Variants in ARSF observed in about 807,000 individuals in gnomAD.
ARSF encodes arylsulfatase F.
A neutral mutation model predicts 35.4 loss-of-function variants in ARSF; 33 were observed. The observed-to-expected ratio is 0.93, with a 90% CI of 0.71 to 1.25. ARSF has a LOEUF of 1.25. ARSF is among the 50% of genes most tolerant of loss of function. The pLI, the probability that ARSF is intolerant of heterozygous loss-of-function variation, is 0.00. For synonymous variants in ARSF, 222 were observed against 193.1 expected (o/e 1.15, Z -1.24); for missense variants, 501 against 480.2 (o/e 1.04, Z -0.40).
intron 4 of ARSF, 143 bp from the exon 5 acceptor site, chrX:3,080,748 C>T (rs2090195002): frequency 1.4e-6 from 1 of 696,930 alleles, no homozygotes; most frequent in Middle Eastern, 4.0e-4. Context: ...GCTCCACCCT[C>T]CTGACCTCAT....
chrX:3,093,169 G>GA (rs201600165), intron 7 of ARSF, among the ~76,000 whole-genome samples: 156 of 110,857 alleles, frequency 1.4e-3, no homozygotes, highest in African/African-American at 4.6e-3. Flanking sequence ...CGTCTCAAAA[G>GA]AAAAAAAAAT....
At chrX:3,051,739 A>G (rs1477086508) in intron 1 of ARSF, among the ~76,000 whole-genome samples, 1 of 111,846 alleles carries the variant, frequency 8.9e-6, no homozygotes, top group Non-Finnish European at 1.9e-5. Context: ...CACTCCTGTA[A>G]TCATAGCATT....
chrX:3,078,960 C>T (rs777845167), intron 4 of ARSF, among the ~76,000 whole-genome samples: 9 of 110,724 alleles, frequency 8.1e-5, no homozygotes, highest in Non-Finnish European at 1.3e-4. Context: ...TCGCAGCCCC[C>T]GGTCACCAAG....
Position 3,080,958 on chromosome X carries a change from T to C in ARSF, c.351T>C (p.Asn117=). 1 of 1,211,705 alleles carries C rather than the reference T, an allele frequency of 8.3e-7. No homozygotes were observed. The highest frequency in any genetic ancestry group is 2.2e-5 in the Admixed American group (1 of 46,032). ...CAGTCCCCGCAGGCCTCCCTCTTAA[T>C]GAGACAACACTTGCAGCCTTGCTAA... ...NLAVPAGLPL[N]ETTLAALLKK... Residue 117 remains asparagine, a synonymous_variant, in exon 5 of 11, where the codon AAT becomes AAC. Transcript: ENST00000381127.
In ARSF at chrX:3,050,330, G is replaced by C. The variant is rs768792076; in HGVS notation, c.-29+8667G>C. On this transcript the variant is annotated intron_variant, in intron 1 of 10. Coordinates refer to ENST00000381127, the MANE Select transcript of ARSF (RefSeq NM_001201539.2). ...AGGCCAAGGCAGGCGGATCATCTGA[G>C]GTCAGGAGTTCGAGACCAGGCTGGC... Among the ~76,000 whole-genome samples the C allele has an allele frequency of 5.9e-4, 65 of 109,796 alleles. 2 individuals carry two copies. Among genetic ancestry groups the C allele is most frequent in the African/African-American group, 2.1e-3 (63 of 30,239 alleles).
intron 3 of ARSF, 88 bp from the exon 4 acceptor site, chrX:3,076,457 CCTT>C (rs1306113868): frequency 1.7e-5 from 17 of 1,020,295 alleles, no homozygotes; most frequent in Admixed American, 2.8e-5. Flanking sequence ...TTCTGTTTGT[CCTT>C]CTCTGTCTTC....
intron 6 of ARSF, among the ~76,000 whole-genome samples, chrX:3,087,664 T>A (rs1248213694): frequency 9.4e-6 from 1 of 106,455 alleles, no homozygotes; most frequent in Non-Finnish European, 1.9e-5. Context: ...TACAATTGTA[T>A]CCAGTTTCTT....
chrX:3,048,205 A>G (rs1015700677), intron 1 of ARSF, among the ~76,000 whole-genome samples: 6 of 112,064 alleles, frequency 5.4e-5, no homozygotes, highest in Non-Finnish European at 1.1e-4. Flanking sequence ...AAAGGAAAAT[A>G]AATCTCAGGA....
At chrX:3,092,307 A>G (rs988656925) in intron 7 of ARSF, among the ~76,000 whole-genome samples, 1 of 111,772 alleles carries the variant, frequency 8.9e-6, no homozygotes, top group Non-Finnish European at 1.9e-5. Context: ...ATTGCACTCA[A>G]TCTCAAAAAT....
At chrX:3,100,991 C>G in intron 7 of ARSF, 96 bp from the exon 8 acceptor site, 1 of 825,423 alleles carries the variant, frequency 1.2e-6, no homozygotes, top group Non-Finnish European at 1.7e-6. Context: ...GTCACACCAT[C>G]CTTGTTTTCC....
intron 7 of ARSF, among the ~76,000 whole-genome samples, chrX:3,092,238 C>T (rs2090298896): frequency 9.0e-6 from 1 of 110,822 alleles, no homozygotes; most frequent in Non-Finnish European, 1.9e-5. Flanking sequence ...GATAGCTATG[C>T]ATACCCCTCT....
rs1232077125 is a variant in ARSF, at chrX:3,084,288, G to A, written c.452G>A (p.Cys151Tyr). The change falls in exon 6 of 11, where the codon TGC becomes TAC. Residue 151 changes from cysteine (C) to tyrosine (Y), a missense_variant. By Grantham distance (194) the Cys-to-Tyr change is radical. Coordinates refer to ENST00000381127, the MANE Select transcript of ARSF (RefSeq NM_001201539.2). Reference protein sequence around the residue: ...GLNCDSRSDQCHHPYNYGFDY... With the variant: ...GLNCDSRSDQYHHPYNYGFDY... ...AACTGCGACTCCCGAAGTGACCAGT[G>A]CCACCATCCATATAATTATGGGTTT... The A allele has an allele frequency of 3.3e-6, 4 of 1,211,732 alleles. No individual in the cohort carries two copies. In the East Asian group the frequency reaches 1.2e-4, roughly 36 times the overall value.
At chrX:3,098,373 T>C (rs1409179421) in intron 7 of ARSF, among the ~76,000 whole-genome samples, 3 of 110,642 alleles carry the variant, frequency 2.7e-5, no homozygotes, top group Non-Finnish European at 5.7e-5. Context: ...GAGAGATGCA[T>C]CTACAAGAGT....
intron 1 of ARSF, among the ~76,000 whole-genome samples, chrX:3,059,290 C>G (rs954458589): frequency 4.5e-5 from 5 of 111,380 alleles, no homozygotes; most frequent in African/African-American, 1.6e-4. Flanking sequence ...TGGTGAAACC[C>G]CGTCTCTACT....
intron 1 of ARSF, among the ~76,000 whole-genome samples, chrX:3,045,286 G>A (rs2089970058): frequency 9.0e-6 from 1 of 111,530 alleles, no homozygotes; most frequent in Non-Finnish European, 1.9e-5. Flanking sequence ...AATCGAGGAC[G>A]TGGACACACA....
intron 1 of ARSF, among the ~76,000 whole-genome samples, chrX:3,043,744 GTGTC>G (rs2089964158): frequency 9.0e-6 from 1 of 111,067 alleles, no homozygotes; most frequent in Non-Finnish European, 1.9e-5. Context: ...CTCTATCTGT[GTGTC>G]TGTCTATAAG....
At chrX:3,088,451 T>C (rs2090264239) in intron 6 of ARSF, among the ~76,000 whole-genome samples, 1 of 111,926 alleles carries the variant, frequency 8.9e-6, no homozygotes. Context: ...CAGGTTCATA[T>C]GCCTGCTGCA....
At chrX:3,079,411 T>C (rs1297704489) in intron 4 of ARSF, among the ~76,000 whole-genome samples, 1 of 103,227 alleles carries the variant, frequency 9.7e-6, no homozygotes, top group Admixed American at 1.1e-4. Context: ...AATGGCGCAA[T>C]CTCGGCTCAC....
chrX:3,080,737 G>A (rs1204456773), intron 4 of ARSF, among the ~76,000 whole-genome samples, 154 bp from the exon 5 acceptor site: 1 of 111,058 alleles, frequency 9.0e-6, no homozygotes, highest in East Asian at 2.8e-4. Context: ...CCATTCTTGA[G>A]GCTCCACCCT....
Sources: gnomAD v4.1 joint callset for allele counts (sites outside exome capture counted in the v4.1 genomes callset) on GRCh38, gnomAD v4.1.1 for gene constraint, MANE v1.5 for transcripts, NCBI Gene and HGNC (gene_info 2026-07-23, HGNC 2026-07-21) for gene names.